The following XKR9 variants were observed in gnomAD, a reference collection of about 807,000 sequenced individuals.
XKR9 encodes XK related 9.
In XKR9, 32 loss-of-function variants were observed where a neutral mutation model predicts 32.0. That is an observed-to-expected ratio of 1.00 (90% CI 0.76 to 1.34). The LOEUF is 1.34. XKR9 is among the 40% of genes most tolerant of loss of function. XKR9 has a pLI of 0.00. For missense variants in XKR9, 546 were observed against 429.7 expected (o/e 1.27, Z -2.39); for synonymous variants, 168 against 143.4 (o/e 1.17, Z -1.22).
At chr8:70,754,777 G>A (rs1450538159) in intron 2 of XKR9, among the ~76,000 whole-genome samples, 2 of 151,778 alleles carry the variant, frequency 1.3e-5, no homozygotes, top group Non-Finnish European at 2.9e-5. Flanking sequence ...ATGGATTAAA[G>A]ACTTACATGT....
the XKR9 span, among the ~76,000 whole-genome samples, chr8:70,823,004 T>A: frequency 3.3e-5 from 5 of 152,340 alleles, no homozygotes; most frequent in South Asian, 1.0e-3. Flanking sequence ...TTATAAATAA[T>A]TTCCACCTAT....
chr8:70,788,914 G>A (rs898734603), intron 2 of XKR9, among the ~76,000 whole-genome samples: 4 of 151,984 alleles, frequency 2.6e-5, no homozygotes, highest in Non-Finnish European at 5.9e-5. Context: ...ACTAAAATCT[G>A]AACATTTTAG....
At chr8:70,721,106 C>T (rs1806264589) in intron 4 of XKR9, among the ~76,000 whole-genome samples, 1 of 152,162 alleles carries the variant, frequency 6.6e-6, no homozygotes, top group Non-Finnish European at 1.5e-5. Flanking sequence ...TTATAGTATT[C>T]TCTGAGGGAA....
chr8:70,860,414 C>T, the XKR9 span, among the ~76,000 whole-genome samples: 1 of 152,200 alleles, frequency 6.6e-6, no homozygotes, highest in African/African-American at 2.4e-5. Context: ...GCACCCTTAT[C>T]TCAGACTTCC....
At chr8:71,024,444 T>A in the XKR9 span, among the ~76,000 whole-genome samples, 2 of 152,110 alleles carry the variant, frequency 1.3e-5, no homozygotes, top group Non-Finnish European at 2.9e-5. Context: ...TCATTGGGGC[T>A]TCAAGGATAT....
Position 70,734,287 on chromosome 8 carries a change from C to A in XKR9, c.985C>A (p.Leu329Ile). The A allele has an allele frequency of 1.9e-6, 3 of 1,612,688 alleles. No individual in the cohort carries two copies. Among genetic ancestry groups the A allele is most frequent in the Non-Finnish European group, 2.5e-6 (3 of 1,179,274 alleles). Residue 329 changes from leucine to isoleucine, a missense_variant, in exon 5 of 5, where the codon CTT (leucine) becomes ATT (isoleucine). By Grantham distance (5) the Leu-to-Ile change is conservative. Transcript: ENST00000408926. The part of the protein sequence containing the change: ...IPISITIVLT[L>I]LLGILFLIVY... Reference sequence around the variant, plus strand: ...TATCAGTATAACTATAGTTCTTACTCTTCTTCTTGGAATTCTTTTTCTTAT... The same window carrying A: ...TATCAGTATAACTATAGTTCTTACTATTCTTCTTGGAATTCTTTTTCTTAT...
chr8:70,770,371 G>T (rs181757579), intron 2 of XKR9, among the ~76,000 whole-genome samples: 1 of 152,190 alleles, frequency 6.6e-6, no homozygotes, highest in East Asian at 1.9e-4. Context: ...TGTATGAGGT[G>T]TCTGTCGACC....
At chr8:70,743,868 A>T (rs1376885591) in intron 2 of XKR9, among the ~76,000 whole-genome samples, 1 of 152,008 alleles carries the variant, frequency 6.6e-6, no homozygotes, top group African/African-American at 2.4e-5. Flanking sequence ...TCCTTCTTCC[A>T]GATGTCGACC....
the XKR9 span, among the ~76,000 whole-genome samples, chr8:70,928,613 T>G: frequency 6.6e-6 from 1 of 152,100 alleles, no homozygotes; most frequent in Non-Finnish European, 1.5e-5. Flanking sequence ...GCTATCACCT[T>G]AAAGCCTGGG....
the XKR9 span, among the ~76,000 whole-genome samples, chr8:70,986,491 G>T: frequency 6.6e-6 from 1 of 152,154 alleles, no homozygotes; most frequent in Non-Finnish European, 1.5e-5. Context: ...AAGGGACATT[G>T]TTACATCTTC....
chr8:70,791,530 G>A (rs534706934), downstream of XKR9, among the ~76,000 whole-genome samples: 1 of 152,162 alleles, frequency 6.6e-6, no homozygotes, highest in African/African-American at 2.4e-5. Flanking sequence ...ATGTTATATT[G>A]TGGGAGTGGG....
chr8:70,916,621 C>CAAGA, the XKR9 span, among the ~76,000 whole-genome samples: 4 of 152,256 alleles, frequency 2.6e-5, no homozygotes, highest in Admixed American at 2.6e-4. Flanking sequence ...AGATTAGCTT[C>CAAGA]TTATTCTTGA....
At chr8:70,757,057 A>T (rs1397072611) in intron 2 of XKR9, among the ~76,000 whole-genome samples, 1 of 152,142 alleles carries the variant, frequency 6.6e-6, no homozygotes, top group Non-Finnish European at 1.5e-5. Flanking sequence ...TGAAAGGGTA[A>T]TGGATTTTTT....
chr8:70,829,282 G>C, the XKR9 span, among the ~76,000 whole-genome samples: 1 of 148,068 alleles, frequency 6.8e-6, no homozygotes, highest in Non-Finnish European at 1.5e-5. Context: ...GAAAATATAA[G>C]TAAGTTAAAA....
the XKR9 span, among the ~76,000 whole-genome samples, chr8:70,950,956 G>A: frequency 6.6e-6 from 1 of 152,158 alleles, no homozygotes; most frequent in Admixed American, 6.5e-5. Flanking sequence ...TTACAGGAGT[G>A]AGCCACCGCA....
At chr8:70,988,045 G>T in the XKR9 span, among the ~76,000 whole-genome samples, 1 of 152,098 alleles carries the variant, frequency 6.6e-6, no homozygotes, top group Non-Finnish European at 1.5e-5. Context: ...CAAACCCCTA[G>T]GCTGCGCACA....
At chr8:71,003,787 C>G in the XKR9 span, among the ~76,000 whole-genome samples, 1 of 152,218 alleles carries the variant, frequency 6.6e-6, no homozygotes, top group African/African-American at 2.4e-5. Context: ...TGAGGACTCA[C>G]AGCCTTGCTG....
chr8:70,836,617 G>A, the XKR9 span, among the ~76,000 whole-genome samples: 1 of 151,788 alleles, frequency 6.6e-6, no homozygotes, highest in African/African-American at 2.4e-5. Context: ...TGATATTTGG[G>A]GTTTTTTTTT....
At position 70,735,657 on chromosome 8, in the gene XKR9, C is replaced by T. The variant is rs1270210985; in HGVS notation, c.*1233C>T. 2 of 132,606 alleles carry T rather than the reference C, an allele frequency of 1.5e-5. No individual in the cohort carries two copies. Among genetic ancestry groups the T allele is most frequent in the Non-Finnish European group, 3.1e-5 (2 of 64,808 alleles). The allele number at this position is 132,606 out of a possible 1,614,324, so 8.2% of individuals were successfully genotyped here. On this transcript the variant is annotated 3_prime_UTR_variant, in exon 5 of 5. Coordinates refer to ENST00000408926, the MANE Select transcript of XKR9 (RefSeq NM_001011720.2). ...GTCCCCAGAGTGTGATGATCCCCTT[C>T]CTGTGTCCATGTGTTCTCATTGTTC... is the stretch of plus-strand genomic sequence containing the variant.
Sources: allele counts gnomAD v4.1 joint callset (sites outside exome capture counted in the v4.1 genomes callset), GRCh38; gene constraint gnomAD v4.1.1; transcripts MANE v1.5; gene names NCBI Gene and HGNC (gene_info 2026-07-23, HGNC 2026-07-21).